Variants in AOPEP observed in about 807,000 individuals in gnomAD.
The protein encoded by AOPEP is aminopeptidase O (putative).
A neutral mutation model predicts 98.1 loss-of-function variants in AOPEP; 77 were observed. The ratio of observed to expected loss-of-function variants is 0.78; its 90% confidence interval spans 0.65 to 0.95. AOPEP has a LOEUF of 0.95. Ranked by LOEUF, AOPEP falls within the 40% of genes least tolerant of loss-of-function variation. AOPEP has a pLI of 0.00. For missense variants in AOPEP, 1,024 were observed against 1,024.7 expected (o/e 1.00, Z 0.01); for synonymous variants, 346 against 365.3 (o/e 0.95, Z 0.60).
rs2137052928 is a variant in AOPEP at position 94,930,370 on chromosome 9, G to A, written c.1661+1839G>A. On this transcript the variant is annotated intron_variant, in intron 7 of 16. Coordinates refer to ENST00000375315, the MANE Select transcript of AOPEP (RefSeq NM_001193329.3). This position sits in a 1 kb window ranked among gnomAD's most constrained non-coding sequence, Gnocchi z 4.5. Reference sequence around the variant, plus strand: ...ATGGTAAAGACATGAGGAGGAGCTTGGAAGGAAAATGAAGTTTCCAGCTTT... The same window carrying A: ...ATGGTAAAGACATGAGGAGGAGCTTAGAAGGAAAATGAAGTTTCCAGCTTT... Among the ~76,000 whole-genome samples, 1 of 152,276 alleles carries A rather than the reference G, an allele frequency of 6.6e-6. No homozygotes were observed. Among genetic ancestry groups the A allele is most frequent in the Non-Finnish European group, 1.5e-5 (1 of 68,026 alleles).
At chr9:94,885,910 A>T (rs2048185520) in intron 5 of AOPEP, among the ~76,000 whole-genome samples, 1 of 152,178 alleles carries the variant, frequency 6.6e-6, no homozygotes, top group African/African-American at 2.4e-5. Context: ...GCCTTTATTG[A>T]AAAGGATATA....
chr9:94,982,512 A>G (rs927995727), intron 11 of AOPEP, among the ~76,000 whole-genome samples: 10 of 151,870 alleles, frequency 6.6e-5, no homozygotes, highest in Non-Finnish European at 1.5e-4. Flanking sequence ...TATTCATTTA[A>G]GGATATACAC....
intron 7 of AOPEP, chr9:94,935,160 T>G (rs1269663785): frequency 6.6e-6 from 1 of 152,170 alleles, no homozygotes; most frequent in East Asian, 1.9e-4. Flanking sequence ...TCATGAGCTC[T>G]GGTTATTTAA....
chr9:94,815,933 A>C (rs1164078524), intron 5 of AOPEP, among the ~76,000 whole-genome samples: 2 of 152,026 alleles, frequency 1.3e-5, no homozygotes, highest in Non-Finnish European at 2.9e-5. Flanking sequence ...CTCAAAGACA[A>C]TTTCTGTAAT....
chr9:94,950,332 G>T (rs1589048503), intron 7 of AOPEP, among the ~76,000 whole-genome samples: 1 of 152,210 alleles, frequency 6.6e-6, no homozygotes, highest in East Asian at 1.9e-4. Flanking sequence ...AGGAGCTCTG[G>T]CTGAGTGCTC....
At chr9:94,851,628 TG>T (rs1392990102) in intron 5 of AOPEP, among the ~76,000 whole-genome samples, 3 of 151,634 alleles carry the variant, frequency 2.0e-5, no homozygotes, top group Non-Finnish European at 4.4e-5. Context: ...CTTACTTCAC[TG>T]TGATCTGATG....
chr9:94,800,419 C>T (rs1340845242), intron 4 of AOPEP, among the ~76,000 whole-genome samples: 1 of 152,104 alleles, frequency 6.6e-6, no homozygotes, highest in Non-Finnish European at 1.5e-5. Flanking sequence ...AACATCTAAC[C>T]GAGGGCAGGA....
chr9:95,096,299 A>C, the AOPEP span, among the ~76,000 whole-genome samples: 2 of 152,180 alleles, frequency 1.3e-5, no homozygotes, highest in Non-Finnish European at 2.9e-5. Flanking sequence ...GGGGAGTGAC[A>C]GAGGGCCAGC....
At chr9:95,037,545 C>T (rs1290631263) in intron 13 of AOPEP, among the ~76,000 whole-genome samples, 1 of 152,172 alleles carries the variant, frequency 6.6e-6, no homozygotes, top group African/African-American at 2.4e-5. Context: ...ATAAGATATT[C>T]ACATTTCTTT....
chr9:94,934,391 AC>A (rs946403703), intron 7 of AOPEP, among the ~76,000 whole-genome samples: 2 of 140,072 alleles, frequency 1.4e-5, no homozygotes, highest in African/African-American at 2.8e-5. Flanking sequence ...ATTTCGGCTC[AC>A]TGCAACCTCT....
intron 9 of AOPEP, among the ~76,000 whole-genome samples, chr9:94,967,289 C>A (rs1156894001): frequency 6.6e-6 from 1 of 152,108 alleles, no homozygotes; most frequent in Non-Finnish European, 1.5e-5. Flanking sequence ...TTGTGGACAT[C>A]TTTGTTCCTT....
intron 5 of AOPEP, among the ~76,000 whole-genome samples, chr9:94,904,936 C>T (rs747814481): frequency 1.3e-5 from 2 of 152,150 alleles, no homozygotes; most frequent in African/African-American, 2.4e-5. Context: ...TGAAATGAAG[C>T]GCCTTGTCTG....
At position 94,980,178 on chromosome 9, in the gene AOPEP, C is replaced by T. The variant is rs531122444; in HGVS notation, c.1977+751C>T. 2.4e-4 allele frequency among the ~76,000 whole-genome samples: 37 copies of T among 152,248 alleles called. No individual in the cohort carries two copies. The highest frequency in any genetic ancestry group is 3.8e-4 in the Non-Finnish European group (26 of 68,042). On this transcript the variant is annotated intron_variant, in intron 11 of 16. Coordinates refer to ENST00000375315, the MANE Select transcript of AOPEP (RefSeq NM_001193329.3). The surrounding 1 kb of genome is among the most constrained non-coding windows in gnomAD (Gnocchi z 4.3). ...GTGCCTCCCAGAGACCATTGGACAG[C>T]CCAGGCCCCTTCGCCAAATCAAATG...
chr9:94,760,405 C>T lies in AOPEP; in HGVS notation c.622C>T (p.Arg208Cys), dbSNP rs762960838. ...RWREQLDYYA[R>C]CSQAPGCGEL... ...GAGGGAGCAGTTAGACTATTACGCT[C>T]GCTGCAGCCAGGCTCCTGGCTGTGG... The change falls in exon 2 of 17, where the codon CGC (arginine) becomes TGC (cysteine). Residue 208 changes from arginine to cysteine, a missense_variant. Physicochemically the swap from Arg to Cys is radical, Grantham distance 180. This residue lies in a region of AOPEP where 440 missense variants were observed against 433.8 expected (regional missense o/e 1.01). Coordinates refer to ENST00000375315, the MANE Select transcript of AOPEP (RefSeq NM_001193329.3). 26 of 1,613,898 alleles carry T rather than the reference C, an allele frequency of 1.6e-5. No homozygotes were observed. The highest frequency in any genetic ancestry group is 8.9e-5 in the East Asian group (4 of 44,896).
At chr9:95,080,394 G>A (rs2069608823) in intron 14 of AOPEP, among the ~76,000 whole-genome samples, 1 of 152,194 alleles carries the variant, frequency 6.6e-6, no homozygotes, top group Non-Finnish European at 1.5e-5. Context: ...GCAGGTGCCT[G>A]TAATCCCAGC....
At chr9:95,111,034 C>A in the AOPEP span, 1 of 1,453,324 alleles carries the variant, frequency 6.9e-7, no homozygotes, top group South Asian at 1.4e-5. Flanking sequence ...AGGAGACAGT[C>A]AAGATGGAAG....
the AOPEP span, chr9:95,123,865 G>C: frequency 1.7e-6 from 1 of 582,592 alleles, no homozygotes; most frequent in South Asian, 1.5e-5. Flanking sequence ...CAAAGCCCAC[G>C]TAAGGAGTTG....
At chr9:95,072,493 C>T (rs1448122640) in intron 14 of AOPEP, among the ~76,000 whole-genome samples, 2 of 152,070 alleles carry the variant, frequency 1.3e-5, no homozygotes, top group Admixed American at 1.3e-4. Flanking sequence ...CTTATCCAGG[C>T]ATAGTGGCAT....
rs34635520 is a variant in AOPEP at position 95,066,323 on chromosome 9, A to AT, written c.2232+5523dup. ...TCCCCTGTTATACTGTGATAAAGGG[A>AT]TTTTTTTTTTAAAAAGCTGATCTAA... On this transcript the variant is annotated intron_variant, in intron 14 of 16. Coordinates refer to ENST00000375315, the MANE Select transcript of AOPEP (RefSeq NM_001193329.3). Among the ~76,000 whole-genome samples the AT allele has an allele frequency of 3.8e-3, 579 of 150,924 alleles. 18 individuals are homozygous for AT. The East Asian group carries it at 0.052, about 14-fold the overall frequency.
Sources: allele counts gnomAD v4.1 joint callset (sites outside exome capture counted in the v4.1 genomes callset), GRCh38; gene constraint gnomAD v4.1.1; regional missense constraint gnomAD v4.1.1; non-coding constraint Gnocchi (gnomAD v3.1); transcripts MANE v1.5; gene names NCBI Gene and HGNC (gene_info 2026-07-23, HGNC 2026-07-21).